The following FAM221A variants were observed in gnomAD, a reference collection of about 807,000 sequenced individuals.
FAM221A encodes family with sequence similarity 221 member A.
Under a neutral mutation model 37.6 loss-of-function variants are expected in FAM221A, and 43 were observed. That is an observed-to-expected ratio of 1.15 (90% CI 0.90 to 1.48). The LOEUF is 1.48. FAM221A is among the 40% of genes most tolerant of loss of function. The pLI is 0.00. For missense variants in FAM221A, 361 were observed against 361.5 expected (o/e 1.00, Z 0.01); for synonymous variants, 135 against 132.9 (o/e 1.02, Z -0.11).
In FAM221A at chr7:23,684,455, A is replaced by G; in HGVS notation, c.66-44A>G. ...TGGCCTGGTCATAGCTCACCCAGAA[A>G]ATAAATACTCAAAGCTTAAGAGAAA... On this transcript the variant is annotated intron_variant, in intron 1 of 6. Transcript: ENST00000344962. The G allele has an allele frequency of 2.7e-6, 4 of 1,464,862 alleles. No homozygotes were observed. The South Asian group carries it at 5.2e-5, about 19-fold the overall frequency. 90.7% of individuals were successfully genotyped at this position (1,464,862 alleles called of 1,614,324 possible).
chr7:23,698,292 A>G lies in FAM221A; in HGVS notation c.738A>G (p.Leu246=). The part of the protein sequence containing the change: ...QASSSSSPET[L]TDVGTSSQVS... ...CATCTAGTTCTTCTCCAGAAACGTTAACAGATGGTAATGAAATGAAGTTTA... is the reference window on the plus strand; with the variant it reads ...CATCTAGTTCTTCTCCAGAAACGTTGACAGATGGTAATGAAATGAAGTTTA... The change falls in exon 5 of 7, where the codon TTA becomes TTG. Residue 246 remains leucine, a synonymous_variant. Transcript: ENST00000344962. 6 of 1,525,800 alleles carry G rather than the reference A, an allele frequency of 3.9e-6. No homozygotes were observed. Among genetic ancestry groups the G allele is most frequent in the Non-Finnish European group, 5.4e-6 (6 of 1,113,076 alleles). The allele number at this position is 1,525,800 out of a possible 1,614,324, so 94.5% of individuals were successfully genotyped here.
chr7:23,692,646 C>A, intron 4 of FAM221A: 1 of 984,304 alleles, frequency 1.0e-6, no homozygotes, highest in African/African-American at 1.7e-5. Flanking sequence ...CAGGCCCATA[C>A]GAGTATATAT....
intron 4 of FAM221A, among the ~76,000 whole-genome samples, chr7:23,696,374 A>G (rs747405917): frequency 5.9e-5 from 9 of 152,212 alleles, no homozygotes; most frequent in African/African-American, 1.2e-4. Context: ...CCTAGGCAAC[A>G]TGGCGAAACC....
At chr7:23,683,637 T>C (rs916287401) in intron 1 of FAM221A, among the ~76,000 whole-genome samples, 2 of 152,194 alleles carry the variant, frequency 1.3e-5, no homozygotes, top group African/African-American at 4.8e-5. Context: ...ATCAGTAAAG[T>C]TGCATTATGA....
At chr7:23,694,468 A>C (rs968462144) in intron 4 of FAM221A, 4 of 152,176 alleles carry the variant, frequency 2.6e-5, no homozygotes, top group Non-Finnish European at 5.9e-5. Context: ...TGGGTGCATA[A>C]TTGTGTTAGG....
At position 23,698,239 on chromosome 7, in the gene FAM221A, A is replaced by T. The variant is rs369736472; in HGVS notation, c.685A>T (p.Ser229Cys). The T allele has an allele frequency of 5.2e-5, 83 of 1,598,844 alleles. No homozygotes were observed. Among genetic ancestry groups the T allele is most frequent in the Non-Finnish European group, 6.8e-5 (80 of 1,172,306 alleles). Residue 229 changes from serine to cysteine, a missense_variant, in exon 5 of 7, where the codon AGC (serine) becomes TGC (cysteine). Transcript: ENST00000344962. ...FLESPITAVD[S>C]PFLKAFQASS... ...AGAATCTCCCATTACGGCAGTAGAC[A>T]GCCCATTCCTAAAAGCATTTCAAGC...
chr7:23,702,865 C>A (rs1480017621), downstream of FAM221A: 1 of 152,208 alleles, frequency 6.6e-6, no homozygotes, highest in South Asian at 2.1e-4. Flanking sequence ...TTTGATGGCA[C>A]CTTGTCTTGG....
In FAM221A at chr7:23,702,163, G is replaced by T; in HGVS notation, c.896G>T (p.Ter299LeuextTer50). 6.3e-7 allele frequency: 1 copy of T among 1,586,170 alleles called. No individual in the cohort carries two copies. The highest frequency in any genetic ancestry group is 8.6e-7 in the Non-Finnish European group (1 of 1,163,202). Residue 299 changes from the stop codon to leucine (L), a stop_lost, in exon 7 of 7, where the codon TGA (stop) becomes TTA (leucine). Coordinates refer to ENST00000344962, the MANE Select transcript of FAM221A (RefSeq NM_199136.5). ...TTGCCATCAGCTACAAAACCTTCAT[G>T]AAGACTATTGGAGAAATTAAAACCA... is the stretch of plus-strand genomic sequence containing the variant. ...APLPSATKPS* is the reference protein window; with the variant it reads ...APLPSATKPSL
chr7:23,690,417 C>G (rs1190079886), intron 3 of FAM221A, among the ~76,000 whole-genome samples: 4 of 151,662 alleles, frequency 2.6e-5, no homozygotes, highest in African/African-American at 9.7e-5. Context: ...GTTGGTCAGG[C>G]TGTTCTCAAA....
At chr7:23,692,633 C>A in intron 4 of FAM221A, 1 of 983,906 alleles carries the variant, frequency 1.0e-6, no homozygotes, top group East Asian at 1.1e-4. Context: ...TCAGCCACCA[C>A]GCCAGGCCCA....
At chr7:23,683,688 G>A (rs1336726104) in intron 1 of FAM221A, among the ~76,000 whole-genome samples, 2 of 152,138 alleles carry the variant, frequency 1.3e-5, no homozygotes, top group South Asian at 2.1e-4. Flanking sequence ...TATATAGGAA[G>A]TGGAGGGGAG....
chr7:23,687,642 C>CTTTTTTT (rs769365799), intron 2 of FAM221A: 2 of 124,918 alleles, frequency 1.6e-5, no homozygotes, highest in African/African-American at 3.1e-5. Context: ...TTGTAACACT[C>CTTTTTTT]TTTTTTTTTT....
At chr7:23,701,270 T>C (rs1464094283) in intron 6 of FAM221A, among the ~76,000 whole-genome samples, 17 of 146,276 alleles carry the variant, frequency 1.2e-4, no homozygotes, top group Non-Finnish European at 6.0e-5. Context: ...GACGGAGTCT[T>C]GGTCTGTCGC....
chr7:23,680,401 G>T, intron 1 of FAM221A, 118 bp downstream of exon 1: 4 of 725,636 alleles, frequency 5.5e-6, no homozygotes, highest in Non-Finnish European at 6.7e-6. Context: ...TCTGTGCCTG[G>T]GCTGTTGGGG....
At chr7:23,688,594 A>C (rs1784505714) in intron 2 of FAM221A, 1 of 152,052 alleles carries the variant, frequency 6.6e-6, no homozygotes, top group African/African-American at 2.4e-5. Context: ...AAATTTAAGT[A>C]ATGCACTGTG....
At chr7:23,681,869 C>T (rs1017311907) in intron 1 of FAM221A, among the ~76,000 whole-genome samples, 2 of 152,020 alleles carry the variant, frequency 1.3e-5, no homozygotes, top group African/African-American at 4.8e-5. Context: ...GAAGATGAGT[C>T]AAAATATGAG....
chr7:23,690,199 A>ATATTTTTTTTT (rs774313037), intron 3 of FAM221A, among the ~76,000 whole-genome samples: 7 of 48,736 alleles, frequency 1.4e-4, no homozygotes, highest in African/African-American at 3.4e-4. Flanking sequence ...ATATATATAT[A>ATATTTTTTTTT]TTTTTTTTTT....
intron 1 of FAM221A, among the ~76,000 whole-genome samples, chr7:23,681,062 C>T (rs1344600431): frequency 1.3e-5 from 2 of 152,194 alleles, no homozygotes; most frequent in Admixed American, 6.5e-5. Context: ...GCAGACGGCC[C>T]CCCAGCTGAC....
At chr7:23,693,823 A>G (rs1448699200) in intron 4 of FAM221A, 1 of 152,144 alleles carries the variant, frequency 6.6e-6, no homozygotes, top group East Asian at 1.9e-4. Flanking sequence ...AAACTCTACC[A>G]TATTCTTTAT....
Sources: allele counts gnomAD v4.1 joint callset (sites outside exome capture counted in the v4.1 genomes callset), GRCh38; gene constraint gnomAD v4.1.1; transcripts MANE v1.5; gene names NCBI Gene and HGNC (gene_info 2026-07-23, HGNC 2026-07-21).